The following TRAPPC2L variants were observed in gnomAD, a reference collection of about 807,000 sequenced individuals.
The protein encoded by TRAPPC2L is trafficking protein particle complex subunit 2L.
TRAPPC2L carries 17 observed loss-of-function variants against 13.2 expected under a neutral mutation model. That is an observed-to-expected ratio of 1.29 (90% CI 0.88 to 1.93). The LOEUF (loss-of-function observed/expected upper bound fraction) is 1.93, where lower values mean the gene tolerates loss of function less well. Among genes scored for constraint, TRAPPC2L ranks in the 30% most tolerant of loss-of-function variants. The pLI, the probability that TRAPPC2L is intolerant of heterozygous loss-of-function variation, is 0.00. For synonymous variants in TRAPPC2L, 150 were observed against 98.1 expected (o/e 1.53, Z -3.12); for missense variants, 359 against 252.1 (o/e 1.42, Z -2.87).
chr16:88,859,134 C>A, intron 2 of TRAPPC2L: 2 of 434,464 alleles, frequency 4.6e-6, no homozygotes, highest in East Asian at 5.0e-5. Flanking sequence ...ATAATAGTTT[C>A]ATTTATTTCA....
In TRAPPC2L at chr16:88,858,616, C is replaced by T. The variant is rs112741302; in HGVS notation, c.34-3C>T. 6.2e-7 allele frequency: 1 copy of T among 1,611,430 alleles called. No individual in the cohort carries two copies. The highest frequency in any genetic ancestry group is 8.5e-7 in the Non-Finnish European group (1 of 1,178,766). On this transcript the variant is annotated splice_polypyrimidine_tract_variant and splice_region_variant and intron_variant, in intron 1 of 3. Coordinates refer to ENST00000565504, the Ensembl canonical transcript of TRAPPC2L. ...TTTCAGTCGCCGTCATCCTTTCTTG[C>T]AGAATTACCCCCTCTACATTCGCAG... is the stretch of plus-strand genomic sequence containing the variant.
At chr16:88,861,875 T>C (rs1452488667) in exon 4 of TRAPPC2L, 10 of 301,702 alleles carry the variant, frequency 3.3e-5, no homozygotes, top group South Asian at 1.7e-4. Context: ...GGGAACTTTC[T>C]TGATACATAT....
chr16:88,860,907 T>G lies in TRAPPC2L; in HGVS notation c.*583T>G. ...TCTCCTCTGAGTGGGTCTGTTTCTC[T>G]TAGCAGGGCCTTTGATAACATGGTG... is the stretch of plus-strand genomic sequence containing the variant. On this transcript the variant is annotated 3_prime_UTR_variant, in exon 4 of 4. Coordinates refer to ENST00000565504, the Ensembl canonical transcript of TRAPPC2L. 6.3e-7 allele frequency: 1 copy of G among 1,590,934 alleles called. No homozygotes were observed. The highest frequency in any genetic ancestry group is 8.5e-7 in the Non-Finnish European group (1 of 1,170,562).
At chr16:88,861,004 G>C in exon 4 of TRAPPC2L, 1 of 1,551,676 alleles carries the variant, frequency 6.4e-7, no homozygotes, top group Non-Finnish European at 8.7e-7. Flanking sequence ...GCGCACGACT[G>C]TGGTGGGGCC....
At chr16:88,857,071 T>C (rs1470083772), upstream of TRAPPC2L, 7 of 1,502,748 alleles carry the variant, frequency 4.7e-6, no homozygotes, top group East Asian at 5.3e-5. Flanking sequence ...GCCAGCTGTG[T>C]GCGGATGGGG....
chr16:88,859,186 C>T (rs892385488), intron 2 of TRAPPC2L: 3 of 475,020 alleles, frequency 6.3e-6, no homozygotes, highest in African/African-American at 1.9e-5. Flanking sequence ...CGTCTAGTCC[C>T]TTGGGACAAA....
At chr16:88,860,509 G>C (rs765721811) in exon 4 of TRAPPC2L, 98 of 600,046 alleles carry the variant, frequency 1.6e-4, no homozygotes, top group Non-Finnish European at 2.3e-4. Context: ...TGGCAGGGAA[G>C]AGGACGCTGC....
At chr16:88,860,713 A>G (rs1014690222) in exon 4 of TRAPPC2L, 1 of 630,156 alleles carries the variant, frequency 1.6e-6, no homozygotes, top group Non-Finnish European at 2.8e-6. Flanking sequence ...GAGGCTGCAC[A>G]GGGAACTTGG....
At chr16:88,859,055 C>T in intron 2 of TRAPPC2L, 1 of 518,692 alleles carries the variant, frequency 1.9e-6, no homozygotes. Context: ...AAGTGGGACA[C>T]TTCTGCTTTG....
chr16:88,859,475 C>A, intron 2 of TRAPPC2L, 188 bp from the exon 3 acceptor site: 1 of 714,588 alleles, frequency 1.4e-6, no homozygotes. Context: ...TTCGCTTCTC[C>A]TGCAAACACC....
upstream of TRAPPC2L, chr16:88,857,019 G>A (rs1255393862): frequency 1.7e-5 from 23 of 1,392,612 alleles, no homozygotes; most frequent in Non-Finnish European, 1.8e-5. Context: ...GGGACGGGAG[G>A]CGGGGCCTGG....
At chr16:88,860,555 A>G (rs1041901117) in exon 4 of TRAPPC2L, 8 of 589,726 alleles carry the variant, frequency 1.4e-5, no homozygotes, top group Admixed American at 6.0e-5. Flanking sequence ...CCACCAGGAC[A>G]CTGTCTTGGG....
In TRAPPC2L at chr16:88,860,116, T is replaced by A; in HGVS notation, c.518T>A (p.Leu173Ter). ...CACCATCCCCCTAGGGCAGAGGTTT[T>A]AAAGCCACAAAGCCCCGTTTCTCCA... is the stretch of plus-strand genomic sequence containing the variant. The change falls in exon 4 of 4, where the codon TTA becomes TAA. Residue 173 changes from leucine (L) to a stop codon, truncating the protein, a stop_gained. Transcript: ENST00000565504. LOFTEE classifies it low-confidence loss of function (END_TRUNC). The A allele has an allele frequency of 2.5e-6, 2 of 810,694 alleles. No homozygotes were observed. The highest frequency in any genetic ancestry group is 4.2e-6 in the Non-Finnish European group (2 of 477,780). 50.2% of individuals were successfully genotyped at this position (810,694 alleles called of 1,614,324 possible).
At chr16:88,860,385 C>T in exon 4 of TRAPPC2L, 1 of 623,742 alleles carries the variant, frequency 1.6e-6, no homozygotes, top group East Asian at 2.7e-5. Context: ...CCGAATAGTC[C>T]ACAAAGTAAA....
At chr16:88,859,172 C>T (rs1968200063) in intron 2 of TRAPPC2L, 1 of 443,032 alleles carries the variant, frequency 2.3e-6, no homozygotes, top group African/African-American at 2.0e-5. Flanking sequence ...TGTCACTAGA[C>T]ACTCGTCTAG....
At chr16:88,860,324 A>T (rs572581719) in exon 4 of TRAPPC2L, 1 of 688,846 alleles carries the variant, frequency 1.5e-6, no homozygotes, top group Non-Finnish European at 2.6e-6. Context: ...TAGCTACCTG[A>T]TCTTTTATGT....
upstream of TRAPPC2L, chr16:88,856,816 C>G: frequency 6.5e-7 from 1 of 1,534,840 alleles, no homozygotes; most frequent in Non-Finnish European, 8.7e-7. Context: ...GGCCCCCATC[C>G]CCGCGGCGCT....
At chr16:88,857,106 AGC>A (rs1967967973), upstream of TRAPPC2L, 1 of 1,522,242 alleles carries the variant, frequency 6.6e-7, no homozygotes, top group African/African-American at 1.4e-5. Flanking sequence ...CCGCGTGACC[AGC>A]GGCGGGTCAC....
chr16:88,857,380 G>T lies in TRAPPC2L; in HGVS notation c.33+197G>T, dbSNP rs957271186. 5.9e-4 allele frequency: 310 copies of T among 529,576 alleles called. 2 individuals are homozygous for T. Among genetic ancestry groups the T allele is most frequent in the Non-Finnish European group, 3.8e-4 (116 of 305,644 alleles). The allele number at this position is 529,576 out of a possible 1,614,324, so 32.8% of individuals were successfully genotyped here. On this transcript the variant is annotated intron_variant, in intron 1 of 3. Transcript: ENST00000565504. ...TGACTGAGACCCCAGTTCCGCGCTCGCCCGTCCCGCTGCTGAACGCACCCC... is the reference window on the plus strand; with the variant it reads ...TGACTGAGACCCCAGTTCCGCGCTCTCCCGTCCCGCTGCTGAACGCACCCC...
Sources: allele counts gnomAD v4.1 joint callset, GRCh38; gene constraint gnomAD v4.1.1; transcripts MANE v1.5; gene names NCBI Gene and HGNC (gene_info 2026-07-23, HGNC 2026-07-21).